OXR1: variants seen among roughly 807,000 people sequenced by gnomAD.
OXR1 encodes the protein oxidation resistance protein 1.
A neutral mutation model predicts 104.6 loss-of-function variants in OXR1; 41 were observed. The ratio of observed to expected loss-of-function variants is 0.39; its 90% CI spans 0.31 to 0.51. The LOEUF (loss-of-function observed/expected upper bound fraction) is 0.51, where lower values mean the gene tolerates loss of function less well. OXR1 is among the 20% of genes least tolerant of loss of function. The pLI is 0.77. For missense variants in OXR1, 955 were observed against 1,031.9 expected (o/e 0.93, Z 1.02); for synonymous variants, 348 against 348.4 (o/e 1.00, Z 0.01).
At chr8:106,604,105 G>A (rs1039518949) in intron 3 of OXR1, among the ~76,000 whole-genome samples, 1 of 152,068 alleles carries the variant, frequency 6.6e-6, no homozygotes, top group African/African-American at 2.4e-5. Context: ...AACACTTGCA[G>A]GGATTAAATG....
At chr8:106,380,434 T>C (rs1195617075) in intron 2 of OXR1, among the ~76,000 whole-genome samples, 4 of 152,230 alleles carry the variant, frequency 2.6e-5, no homozygotes, top group African/African-American at 9.6e-5. Context: ...TGAACACTCA[T>C]GTACAAGTTT....
chr8:106,624,028 G>T (rs1821944701), intron 3 of OXR1, among the ~76,000 whole-genome samples: 1 of 152,184 alleles, frequency 6.6e-6, no homozygotes, highest in East Asian at 1.9e-4. Flanking sequence ...ACTATCCTGT[G>T]TTATCCTGTG....
chr8:106,370,213 G>A (rs1816645444), intron 2 of OXR1, among the ~76,000 whole-genome samples: 1 of 152,118 alleles, frequency 6.6e-6, no homozygotes. Flanking sequence ...TATTGTTGGT[G>A]TAAAGGAATG....
rs145100444 is a variant in OXR1, at chr8:106,490,408, G to A, written c.24-28535G>A. ...GAGTCTCACTCTGCTGCCTAGGCTG[G>A]AGTGCAGCAGCATGATCTTGGCTCA... On this transcript the variant is annotated intron_variant, in intron 2 of 16. Coordinates refer to ENST00000517566, the MANE Select transcript of OXR1 (RefSeq NM_001198533.2). 7.5e-4 allele frequency among the ~76,000 whole-genome samples: 114 copies of A among 152,228 alleles called. 1 individual carries two copies. In the East Asian group the frequency reaches 0.014, roughly 19 times the overall value.
intron 2 of OXR1, among the ~76,000 whole-genome samples, chr8:106,438,077 C>T (rs1021421067): frequency 1.3e-5 from 2 of 152,138 alleles, no homozygotes; most frequent in Non-Finnish European, 2.9e-5. Context: ...AGAAATTCAG[C>T]TTCTAATGAC....
At chr8:106,571,498 A>G (rs1290936827) in intron 3 of OXR1, among the ~76,000 whole-genome samples, 4 of 152,130 alleles carry the variant, frequency 2.6e-5, no homozygotes, top group Non-Finnish European at 5.9e-5. Flanking sequence ...GGGCTTCAAC[A>G]TATGAACTGG....
At chr8:106,444,231 A>G (rs1164296162) in intron 2 of OXR1, among the ~76,000 whole-genome samples, 1 of 152,208 alleles carries the variant, frequency 6.6e-6, no homozygotes, top group Non-Finnish European at 1.5e-5. Flanking sequence ...ATGCTTTTAC[A>G]CTGTTGGTGA....
At chr8:106,679,642 A>T (rs1322252195) in intron 4 of OXR1, among the ~76,000 whole-genome samples, 1 of 152,060 alleles carries the variant, frequency 6.6e-6, no homozygotes, top group Non-Finnish European at 1.5e-5. Flanking sequence ...AGTGATAGTT[A>T]TAATGGCAGA....
At chr8:106,617,928 C>A in intron 3 of OXR1, 1 of 753,364 alleles carries the variant, frequency 1.3e-6, no homozygotes, top group Non-Finnish European at 1.6e-6. Flanking sequence ...TTCAGTGAGC[C>A]AAGAGCAAGT....
intron 3 of OXR1, among the ~76,000 whole-genome samples, chr8:106,535,380 C>T (rs1238516064): frequency 6.6e-6 from 1 of 152,134 alleles, no homozygotes; most frequent in Non-Finnish European, 1.5e-5. Context: ...GACAGCTGCC[C>T]TACTCCCCCT....
chr8:106,326,571 G>C (rs759614634), intron 1 of OXR1, among the ~76,000 whole-genome samples: 1 of 152,168 alleles, frequency 6.6e-6, no homozygotes, highest in Non-Finnish European at 1.5e-5. Context: ...CAGCTTTGCC[G>C]CAGGGCAATT....
chr8:106,545,087 C>A (rs1815251471), intron 3 of OXR1, among the ~76,000 whole-genome samples: 1 of 152,180 alleles, frequency 6.6e-6, no homozygotes, highest in South Asian at 2.1e-4. Context: ...TGGCCTATAC[C>A]CACTAGATGC....
intron 1 of OXR1, among the ~76,000 whole-genome samples, chr8:106,283,799 T>A (rs989693192): frequency 3.3e-5 from 5 of 152,166 alleles, no homozygotes; most frequent in Admixed American, 2.0e-4. Flanking sequence ...CAGTTTAACT[T>A]CTGTCATTGA....
At chr8:106,510,978 C>A (rs1001176598) in intron 2 of OXR1, among the ~76,000 whole-genome samples, 1 of 152,138 alleles carries the variant, frequency 6.6e-6, no homozygotes, top group African/African-American at 2.4e-5. Context: ...CCCGATTCCA[C>A]GTTAATGAGA....
chr8:106,455,304 G>A (rs902530475), intron 2 of OXR1, among the ~76,000 whole-genome samples: 1 of 152,152 alleles, frequency 6.6e-6, no homozygotes, highest in Non-Finnish European at 1.5e-5. Context: ...ATTTCATCAG[G>A]ATTGAACAAT....
At chr8:106,311,375 G>A (rs1247101724) in intron 1 of OXR1, among the ~76,000 whole-genome samples, 1 of 152,132 alleles carries the variant, frequency 6.6e-6, no homozygotes, top group Non-Finnish European at 1.5e-5. Flanking sequence ...GGATTTAAAA[G>A]CTAATTAGAT....
intron 2 of OXR1, among the ~76,000 whole-genome samples, chr8:106,468,949 A>G (rs74810276): frequency 0.012 from 1,799 of 152,054 alleles, 37 homozygotes; most frequent in African/African-American, 0.041. Context: ...CTGACTACAT[A>G]TTCCTTTTGC....
intron 2 of OXR1, among the ~76,000 whole-genome samples, chr8:106,493,064 A>G (rs1165727829): frequency 6.6e-6 from 1 of 152,174 alleles, no homozygotes; most frequent in Non-Finnish European, 1.5e-5. Flanking sequence ...AAAAAATTGA[A>G]CTAGTATTCA....
intron 2 of OXR1, among the ~76,000 whole-genome samples, chr8:106,438,329 G>A (rs945318805): frequency 6.6e-6 from 1 of 152,060 alleles, no homozygotes; most frequent in African/African-American, 2.4e-5. Context: ...GGAGTCACTA[G>A]TTTGTATTGA....
Sources: gnomAD v4.1 joint callset for allele counts (sites outside exome capture counted in the v4.1 genomes callset) on GRCh38, gnomAD v4.1.1 for gene constraint, MANE v1.5 for transcripts, NCBI Gene and HGNC (gene_info 2026-07-23, HGNC 2026-07-21) for gene names.